The following NSUN7 variants were observed in gnomAD, a reference collection of about 807,000 sequenced individuals.
The protein encoded by NSUN7 is NOP2/Sun RNA methyltransferase family member 7, also known as protein NSUN7.
In NSUN7, 39 loss-of-function variants were observed where a neutral mutation model predicts 58.5. That is an observed-to-expected ratio of 0.67 (90% CI 0.52 to 0.87). NSUN7 has a LOEUF of 0.87. NSUN7 is among the 40% of genes least tolerant of loss of function. The pLI, the probability that NSUN7 is intolerant of heterozygous loss-of-function variation, is 0.00. For missense variants in NSUN7, 765 were observed against 844.1 expected (o/e 0.91, Z 1.16); for synonymous variants, 278 against 303.7 (o/e 0.92, Z 0.88).
chr4:40,799,081 T>TTTTTG (rs1743454483), intron 10 of NSUN7, among the ~76,000 whole-genome samples, 177 bp downstream of exon 10: 11 of 136,484 alleles, frequency 8.1e-5, no homozygotes, highest in Admixed American at 2.9e-4. Flanking sequence ...TTCTTTTTTT[T>TTTTTG]TTTTTTTTTT....
In NSUN7 at chr4:40,809,760, A is replaced by T. The variant is rs763361417; in HGVS notation, c.*821A>T. 6.6e-6 allele frequency: 1 copy of T among 152,246 alleles called. No homozygotes were observed. The highest frequency in any genetic ancestry group is 1.5e-5 in the Non-Finnish European group (1 of 68,036). 9.4% of individuals were successfully genotyped at this position (152,246 alleles called of 1,614,324 possible). A position where few individuals can be genotyped will look rare whatever the true frequency, so the allele number is the denominator to read the frequency against. ...TTCTAAGATCAGGGGATACAACAAAATCTACAAGTCATTTCAAATAGCACA... is the reference window on the plus strand; with the variant it reads ...TTCTAAGATCAGGGGATACAACAAATTCTACAAGTCATTTCAAATAGCACA... On this transcript the variant is annotated 3_prime_UTR_variant, in exon 12 of 12. Transcript: ENST00000381782.
At chr4:40,801,414 GT>G (rs1743574572) in intron 10 of NSUN7, among the ~76,000 whole-genome samples, 1 of 152,078 alleles carries the variant, frequency 6.6e-6, no homozygotes, top group Admixed American at 6.5e-5. Context: ...ATTTTAAATT[GT>G]TATAGTTGTT....
At chr4:40,808,082 A>G (rs1743897848) in intron 11 of NSUN7, among the ~76,000 whole-genome samples, 1 of 145,160 alleles carries the variant, frequency 6.9e-6, no homozygotes, top group African/African-American at 2.6e-5. Flanking sequence ...TCTATCAGGT[A>G]TCAGGTTCAT....
chr4:40,773,041 T>G (rs944049666), intron 4 of NSUN7: 4 of 152,172 alleles, frequency 2.6e-5, no homozygotes, highest in African/African-American at 9.7e-5. Flanking sequence ...TCTTTTGTGA[T>G]TTGGAATTTT....
Position 40,790,632 on chromosome 4 carries a change from A to G in NSUN7, c.1067A>G (p.Asn356Ser), listed in dbSNP as rs370991057. The change falls in exon 8 of 12, where the codon AAC (asparagine) becomes AGC (serine). Residue 356 changes from asparagine to serine, a missense_variant. By Grantham distance (46) the Asn-to-Ser change is conservative. Coordinates refer to ENST00000381782, the MANE Select transcript of NSUN7 (RefSeq NM_024677.6). ...GAAATACTTCATGAGAAATTTATTA[A>G]CATTGAATCAAAGGATCACAGGTTA... ...NIEILHEKFI[N>S]IESKDHRLQK... 7.0e-6 allele frequency: 11 copies of G among 1,579,374 alleles called. No homozygotes were observed. The highest frequency in any genetic ancestry group is 4.7e-5 in the South Asian group (4 of 85,444).
At chr4:40,763,609 A>T (rs186813639) in intron 4 of NSUN7, among the ~76,000 whole-genome samples, 3 of 152,250 alleles carry the variant, frequency 2.0e-5, no homozygotes, top group Admixed American at 1.3e-4. Flanking sequence ...GTTTCATCAG[A>T]AGTAGACTTT....
intron 7 of NSUN7, chr4:40,786,135 G>C: frequency 6.3e-7 from 1 of 1,589,992 alleles, no homozygotes; most frequent in South Asian, 1.1e-5. Flanking sequence ...TATCAGACCA[G>C]ACTTCTATCC....
chr4:40,773,617 A>G (rs1342739572), intron 4 of NSUN7, among the ~76,000 whole-genome samples: 1 of 151,336 alleles, frequency 6.6e-6, no homozygotes, highest in Non-Finnish European at 1.5e-5. Flanking sequence ...CACAGGGCAG[A>G]GGTTGCAGTA....
chr4:40,764,611 G>C (rs1402725855), intron 4 of NSUN7, among the ~76,000 whole-genome samples: 1 of 152,054 alleles, frequency 6.6e-6, no homozygotes, highest in Non-Finnish European at 1.5e-5. Flanking sequence ...GGGATAGCTG[G>C]GTCAAATGGT....
chr4:40,801,383 G>T (rs1211842823), intron 10 of NSUN7, among the ~76,000 whole-genome samples: 1 of 152,064 alleles, frequency 6.6e-6, no homozygotes, highest in Non-Finnish European at 1.5e-5. Context: ...GCAGTATCTG[G>T]CATATAATAA....
intron 10 of NSUN7, among the ~76,000 whole-genome samples, chr4:40,800,839 T>G (rs939698925): frequency 6.6e-6 from 1 of 152,198 alleles, no homozygotes; most frequent in Non-Finnish European, 1.5e-5. Flanking sequence ...AATGCTAAAT[T>G]TGTTACCTAT....
rs1197285174 is a variant in NSUN7 at position 40,809,398 on chromosome 4, G to A, written c.*459G>A. ...GTGACTTTCTCAGTCACGATCAAGGGTGATTTTTTCTTAAATATCAAGCTG... is the reference window on the plus strand; with the variant it reads ...GTGACTTTCTCAGTCACGATCAAGGATGATTTTTTCTTAAATATCAAGCTG... On this transcript the variant is annotated 3_prime_UTR_variant, in exon 12 of 12. Transcript: ENST00000381782. 1 of 153,166 alleles carries A rather than the reference G, an allele frequency of 6.5e-6. No homozygotes were observed. The highest frequency in any genetic ancestry group is 2.4e-5 in the African/African-American group (1 of 41,500). The allele number at this position is 153,166 out of a possible 1,614,324, so 9.5% of individuals were successfully genotyped here. A position where few individuals can be genotyped will look rare whatever the true frequency, so the allele number is the denominator to read the frequency against.
intron 10 of NSUN7, among the ~76,000 whole-genome samples, chr4:40,804,136 A>C (rs2154289439): frequency 6.6e-6 from 1 of 152,300 alleles, no homozygotes; most frequent in South Asian, 2.1e-4. Context: ...GCACAATAAG[A>C]GGTTTTCAAA....
rs539124928 is a variant in NSUN7, at chr4:40,751,129, G to C, written c.298+138G>C. The C allele has an allele frequency of 4.5e-6, 4 of 897,522 alleles. No homozygotes were observed. The East Asian group carries it at 7.8e-5, about 17-fold the overall frequency. The allele number at this position is 897,522 out of a possible 1,614,324, so 55.6% of individuals were successfully genotyped here. ...GGCATGTGCATATCTTTGGTTAATT[G>C]CAAGTGTCAAGGAATTAGGGTTCCC... On this transcript the variant is annotated intron_variant, in intron 2 of 11. Coordinates refer to ENST00000381782, the MANE Select transcript of NSUN7 (RefSeq NM_024677.6).
chr4:40,780,811 ATATTTTTTT>A (rs1560555741), intron 7 of NSUN7, among the ~76,000 whole-genome samples: 6 of 94,104 alleles, frequency 6.4e-5, no homozygotes, highest in African/African-American at 2.5e-4. Flanking sequence ...ATATATATAT[ATATTTTTTT>A]TTTTTTTTTT....
chr4:40,787,471 A>G (rs1270145177), intron 7 of NSUN7, among the ~76,000 whole-genome samples: 1 of 152,198 alleles, frequency 6.6e-6, no homozygotes, highest in Non-Finnish European at 1.5e-5. Context: ...GATCCTAGAT[A>G]CATTTAAAGC....
intron 2 of NSUN7, among the ~76,000 whole-genome samples, chr4:40,759,310 C>CATAA (rs1009388993): frequency 1.4e-4 from 21 of 152,068 alleles, no homozygotes; most frequent in African/African-American, 1.9e-4. Flanking sequence ...GACTCTGTCT[C>CATAA]ATAAATAAAT....
At position 40,789,934 on chromosome 4, in the gene NSUN7, A is replaced by C. The variant is rs180844564; in HGVS notation, c.1037-668A>C. Among the ~76,000 whole-genome samples the C allele has an allele frequency of 2.5e-3, 386 of 152,270 alleles. 3 individuals carry two copies. Among genetic ancestry groups the C allele is most frequent in the African/African-American group, 8.7e-3 (361 of 41,542 alleles). On this transcript the variant is annotated intron_variant, in intron 7 of 11. Transcript: ENST00000381782. The stretch of plus-strand genomic sequence containing the variant: ...TAGGGGGCACAGATGGCTATAATGC[A>C]AGGGAAGGCAGACTCTCTTAAGCTA...
intron 10 of NSUN7, among the ~76,000 whole-genome samples, chr4:40,805,980 T>G (rs1743794787): frequency 6.6e-6 from 1 of 152,120 alleles, no homozygotes; most frequent in African/African-American, 2.4e-5. Context: ...CAGCTGAGAT[T>G]AAAGGCACCT....
Sources: gnomAD v4.1 joint callset for allele counts (sites outside exome capture counted in the v4.1 genomes callset) on GRCh38, gnomAD v4.1.1 for gene constraint, MANE v1.5 for transcripts, NCBI Gene and HGNC (gene_info 2026-07-23, HGNC 2026-07-21) for gene names.